F13A1: variants seen among roughly 807,000 people sequenced by gnomAD.
The protein encoded by F13A1 is FSF, A subunit.
F13A1 carries 47 observed loss-of-function variants against 80.1 expected under a neutral mutation model. That is an observed-to-expected ratio of 0.59 (90% CI 0.46 to 0.75). The LOEUF is 0.75. F13A1 is among the 30% of genes least tolerant of loss of function. F13A1 has a pLI of 0.00. For synonymous variants in F13A1, 349 were observed against 344.9 expected (o/e 1.01, Z -0.13); for missense variants, 817 against 930.4 (o/e 0.88, Z 1.59).
chr6:6,179,249 C>A (rs1364646654), intron 11 of F13A1, among the ~76,000 whole-genome samples: 1 of 152,146 alleles, frequency 6.6e-6, no homozygotes, highest in Non-Finnish European at 1.5e-5. Flanking sequence ...GAGAAGTCTT[C>A]AGAAATTCTG....
intron 8 of F13A1, among the ~76,000 whole-genome samples, chr6:6,201,061 G>A (rs1211601093): frequency 3.9e-5 from 6 of 152,088 alleles, no homozygotes; most frequent in African/African-American, 1.4e-4. Context: ...TATACGACCC[G>A]AAGTGTTTAG....
chr6:6,251,939 C>A (rs3892797), intron 4 of F13A1, among the ~76,000 whole-genome samples: 3 of 151,914 alleles, frequency 2.0e-5, no homozygotes, highest in Middle Eastern at 3.2e-3. Context: ...GAAGCAATGG[C>A]GTGACTTATG....
At chr6:6,285,468 C>T (rs539849455) in intron 3 of F13A1, among the ~76,000 whole-genome samples, 1 of 152,264 alleles carries the variant, frequency 6.6e-6, no homozygotes, top group South Asian at 2.1e-4. Flanking sequence ...AAGGAGCATC[C>T]CAATGGCTAA....
chr6:6,278,128 G>A (rs910010376), intron 3 of F13A1, among the ~76,000 whole-genome samples: 5 of 152,214 alleles, frequency 3.3e-5, no homozygotes, highest in African/African-American at 9.7e-5. Flanking sequence ...TCGTCAACAG[G>A]TTATTTATTA....
At chr6:6,267,416 A>G (rs1757860086) in intron 3 of F13A1, among the ~76,000 whole-genome samples, 1 of 152,220 alleles carries the variant, frequency 6.6e-6, no homozygotes, top group Non-Finnish European at 1.5e-5. Flanking sequence ...GAGCCCCTCC[A>G]TAAACCCACC....
At chr6:6,241,073 C>T (rs927738306) in intron 6 of F13A1, among the ~76,000 whole-genome samples, 8 of 152,188 alleles carry the variant, frequency 5.3e-5, no homozygotes, top group Non-Finnish European at 1.0e-4. Context: ...CAAGGAACAC[C>T]GGAGGCTTCT....
chr6:6,318,699 AAAAG>A lies in F13A1; in HGVS notation c.-18-21_-18-18del. 6.2e-7 allele frequency: 1 copy of A among 1,603,948 alleles called. No individual in the cohort carries two copies. The highest frequency in any genetic ancestry group is 8.5e-7 in the Non-Finnish European group (1 of 1,178,814). On this transcript the variant is annotated intron_variant, in intron 1 of 14. Coordinates refer to ENST00000264870, the MANE Select transcript of F13A1 (RefSeq NM_000129.4). ...TACAAGGTCCTTCAGAAAAAAAAAA[AAAAG>A]AAGACAACAGAAAAGGCATGTAAAG...
rs34436663 is a variant in F13A1, at chr6:6,209,323, T to TAAA, written c.1113-12000_1113-11998dup. ...CCATTAGGATGGCTACAATAATAAT[T>TAAA]AAAAAAAAAAAAAAAACAGAAAATA... is the stretch of plus-strand genomic sequence containing the variant. On this transcript the variant is annotated intron_variant, in intron 8 of 14. Coordinates refer to ENST00000264870, the MANE Select transcript of F13A1 (RefSeq NM_000129.4). Among the ~76,000 whole-genome samples, 1,072 of 131,778 alleles carry TAAA rather than the reference T, an allele frequency of 8.1e-3. 13 individuals are homozygous for TAAA. The highest frequency in any genetic ancestry group is 0.026 in the African/African-American group (934 of 36,422). 86.5% of individuals were successfully genotyped at this position (131,778 alleles called of 152,430 possible). A position where few individuals can be genotyped will look rare whatever the true frequency, so the allele number is the denominator to read the frequency against.
rs1760590665 is a variant in F13A1, at chr6:6,162,352, G to T, written c.1908+5106C>A. Among the ~76,000 whole-genome samples, 1 of 152,176 alleles carries T rather than the reference G, an allele frequency of 6.6e-6. No individual in the cohort carries two copies. The highest frequency in any genetic ancestry group is 6.5e-5 in the Admixed American group (1 of 15,286). On this transcript the variant is annotated intron_variant, in intron 13 of 14. Transcript: ENST00000264870. The surrounding 1 kb of genome is among the most constrained non-coding windows in gnomAD (Gnocchi z 4.2). ...TGCTAACATTTTCTTCCTAGTATCTGAAGGGGTCTCTCCATCCATCTCTAC... is the reference window on the plus strand; with the variant it reads ...TGCTAACATTTTCTTCCTAGTATCTTAAGGGGTCTCTCCATCCATCTCTAC...
At chr6:6,216,285 G>A (rs1757086761) in intron 8 of F13A1, among the ~76,000 whole-genome samples, 2 of 151,794 alleles carry the variant, frequency 1.3e-5, no homozygotes, top group Non-Finnish European at 2.9e-5. Context: ...TATACTACAA[G>A]GCTACAGTAA....
chr6:6,308,461 TA>T (rs35426137), intron 2 of F13A1, among the ~76,000 whole-genome samples: 49,046 of 143,614 alleles, frequency 0.34, 8,185 homozygotes, highest in East Asian at 0.5. Flanking sequence ...GGTTTTTCTG[TA>T]AAAAAAAAAA....
At chr6:6,320,041 G>A (rs1307058276) in intron 1 of F13A1, among the ~76,000 whole-genome samples, 2 of 152,198 alleles carry the variant, frequency 1.3e-5, no homozygotes, top group Non-Finnish European at 2.9e-5. Context: ...GGAGAAGGGG[G>A]GAGCCCCAGG....
intron 8 of F13A1, 22 bp downstream of exon 8, chr6:6,222,011 T>A (rs1757201779): frequency 5.0e-6 from 8 of 1,612,264 alleles, no homozygotes; most frequent in Non-Finnish European, 6.8e-6. Flanking sequence ...CATCAGCCAA[T>A]GCCATTGTCA....
chr6:6,257,002 T>G (rs528635698), intron 4 of F13A1, among the ~76,000 whole-genome samples: 3 of 152,230 alleles, frequency 2.0e-5, no homozygotes, highest in African/African-American at 7.2e-5. Flanking sequence ...GGAATAATGG[T>G]TTGGCCCTTC....
chr6:6,291,255 C>A (rs1328158053), intron 3 of F13A1, among the ~76,000 whole-genome samples: 1 of 152,040 alleles, frequency 6.6e-6, no homozygotes, highest in Non-Finnish European at 1.5e-5. Context: ...TCACCCGTGC[C>A]CCTGTCCTCT....
Position 6,266,767 on chromosome 6 carries a change from GGC to G in F13A1, c.360_361del (p.Pro121TyrfsTer69). 1 of 1,614,184 alleles carries G rather than the reference GGC, an allele frequency of 6.2e-7. No individual in the cohort carries two copies. Among genetic ancestry groups the G allele is most frequent in the Non-Finnish European group, 8.5e-7 (1 of 1,180,036 alleles). On this transcript the variant is annotated frameshift_variant, in exon 4 of 15. Transcript: ENST00000264870. LOFTEE classifies it high-confidence loss of function. ...TCCACTTTGTAACTCTGAGACTATA[GGC>G]ACTGGGATGTAGGTTCCCTTGTTCT... is the stretch of plus-strand genomic sequence containing the variant.
chr6:6,165,041 G>T (rs1426692310), intron 13 of F13A1, among the ~76,000 whole-genome samples: 2 of 152,192 alleles, frequency 1.3e-5, no homozygotes, highest in Non-Finnish European at 2.9e-5. Flanking sequence ...CTTGGAGTTA[G>T]TTGGGCTAAT....
intron 13 of F13A1, among the ~76,000 whole-genome samples, chr6:6,157,500 C>T (rs1760497217): frequency 6.6e-6 from 1 of 151,980 alleles, no homozygotes; most frequent in South Asian, 2.1e-4. Flanking sequence ...TGCAGCATCA[C>T]CTTTTAAGTT....
At chr6:6,292,881 C>A (rs1294001404) in intron 3 of F13A1, among the ~76,000 whole-genome samples, 1 of 152,174 alleles carries the variant, frequency 6.6e-6, no homozygotes, top group African/African-American at 2.4e-5. Flanking sequence ...CTGCCCCATC[C>A]CTCTCCTCTG....
Sources: gnomAD v4.1 joint callset for allele counts (sites outside exome capture counted in the v4.1 genomes callset) on GRCh38, gnomAD v4.1.1 for gene constraint, Gnocchi (gnomAD v3.1) non-coding constraint, MANE v1.5 for transcripts, NCBI Gene and HGNC (gene_info 2026-07-23, HGNC 2026-07-21) for gene names.